Variants in NTPCR observed in about 807,000 individuals in gnomAD.
NTPCR encodes nucleoside-triphosphatase, cancer-related.
Under a neutral mutation model 19.5 loss-of-function variants are expected in NTPCR, and 15 were observed. That is an observed-to-expected ratio of 0.77 (90% CI 0.51 to 1.18). NTPCR has a LOEUF of 1.18. NTPCR is among the 50% of genes most tolerant of loss of function. The pLI is 0.00. For synonymous variants in NTPCR, 90 were observed against 95.8 expected, an observed-to-expected ratio of 0.94 and a Z score of 0.36; for missense variants, 206 against 240.4, an observed-to-expected ratio of 0.86 and a Z score of 0.95.
rs1157123032 is a variant in NTPCR at position 232,983,341 on chromosome 1, G to C, written c.*5110G>C. The C allele has an allele frequency of 6.6e-6, 1 of 152,206 alleles. No individual in the cohort carries two copies. Among genetic ancestry groups the C allele is most frequent in the Non-Finnish European group, 1.5e-5 (1 of 68,040 alleles). The allele number at this position is 152,206 out of a possible 1,614,324, so 9.4% of individuals were successfully genotyped here. On this transcript the variant is annotated 3_prime_UTR_variant, in exon 5 of 5. Transcript: ENST00000366628. Reference sequence around the variant, plus strand: ...TGGGGTCTTGAAGATGGGAAAAGTTGTCTCAGAATTTACCCAAATGTCGTT... The same window carrying C: ...TGGGGTCTTGAAGATGGGAAAAGTTCTCTCAGAATTTACCCAAATGTCGTT...
In NTPCR at chr1:232,980,384, C is replaced by A; in HGVS notation, c.*2153C>A. 1 of 152,318 alleles carries A rather than the reference C, an allele frequency of 6.6e-6. No homozygotes were observed. Among genetic ancestry groups the A allele is most frequent in the Non-Finnish European group, 1.5e-5 (1 of 68,038 alleles). The allele number at this position is 152,318 out of a possible 1,614,324, so 9.4% of individuals were successfully genotyped here. On this transcript the variant is annotated 3_prime_UTR_variant, in exon 5 of 5. Coordinates refer to ENST00000366628, the MANE Select transcript of NTPCR (RefSeq NM_032324.3). ...CAAAGGAGATTTGAACCCACGTCTGCGTGGCTCCAAAGTTCACTCTTTCAT... is the reference window on the plus strand; with the variant it reads ...CAAAGGAGATTTGAACCCACGTCTGAGTGGCTCCAAAGTTCACTCTTTCAT...
Position 232,976,828 on chromosome 1 carries a change from G to A in NTPCR, c.505-1335G>A, listed in dbSNP as rs1322153962. The stretch of plus-strand genomic sequence containing the variant: ...GGGATCAGCTTCTGGCACTTGCTGC[G>A]TGAGCTCACTCCTCTTGGGGTGCAG... On this transcript the variant is annotated intron_variant, in intron 4 of 4. Coordinates refer to ENST00000366628, the MANE Select transcript of NTPCR (RefSeq NM_032324.3). The A allele has an allele frequency of 7.0e-5, 19 of 271,914 alleles. No homozygotes were observed. The South Asian group carries it at 8.2e-4, about 12-fold the overall frequency. The allele number at this position is 271,914 out of a possible 1,614,324, so 16.8% of individuals were successfully genotyped here. A position where few individuals can be genotyped will look rare whatever the true frequency, so the allele number is the denominator to read the frequency against.
intron 3 of NTPCR, among the ~76,000 whole-genome samples, chr1:232,959,306 G>C (rs1251926523): frequency 6.6e-6 from 1 of 152,140 alleles, no homozygotes; most frequent in Non-Finnish European, 1.5e-5. Flanking sequence ...GAATATCCTT[G>C]CTTCCCTTCT....
chr1:232,950,891 G>C (rs1668346615), intron 1 of NTPCR, 147 bp downstream of exon 1: 1 of 597,016 alleles, frequency 1.7e-6, no homozygotes, highest in Non-Finnish European at 3.0e-6. Flanking sequence ...TTGGTAGTCT[G>C]AAGAGTTTGT....
At chr1:232,964,403 A>G (rs1344872604) in intron 3 of NTPCR, 2 of 152,166 alleles carry the variant, frequency 1.3e-5, no homozygotes, top group Admixed American at 6.5e-5. Flanking sequence ...TCTCCACTGT[A>G]TAGTTACTAT....
chr1:232,969,569 A>G (rs1668915765), intron 3 of NTPCR: 1 of 219,520 alleles, frequency 4.6e-6, no homozygotes, highest in South Asian at 8.4e-5. Flanking sequence ...GCTAAAGGGG[A>G]AAAAAAAGTA....
intron 3 of NTPCR, chr1:232,964,969 T>C (rs973842069): frequency 1.3e-5 from 2 of 152,238 alleles, no homozygotes; most frequent in African/African-American, 4.8e-5. Flanking sequence ...TTCCACCGTC[T>C]TCTCGGGGTG....
At chr1:232,962,748 C>T (rs192577141) in intron 3 of NTPCR, 25 of 152,226 alleles carry the variant, frequency 1.6e-4, no homozygotes, top group African/African-American at 5.8e-4. Flanking sequence ...ATAGTTTGAA[C>T]CTTGTATTTT....
chr1:232,963,126 G>A (rs1404422925), intron 3 of NTPCR: 1 of 152,188 alleles, frequency 6.6e-6, no homozygotes, highest in Non-Finnish European at 1.5e-5. Context: ...TGTATTACAA[G>A]TATGTAATGC....
intron 3 of NTPCR, chr1:232,967,423 C>T (rs1668852118): frequency 6.6e-6 from 1 of 152,140 alleles, no homozygotes; most frequent in South Asian, 2.1e-4. Context: ...TTCCCCAATT[C>T]TGGACAGATT....
chr1:232,967,962 T>C (rs1048684320), intron 3 of NTPCR: 1 of 152,236 alleles, frequency 6.6e-6, no homozygotes, highest in African/African-American at 2.4e-5. Context: ...ATAGCTGTTT[T>C]ATTTCTCCCA....
intron 3 of NTPCR, chr1:232,965,027 A>G (rs1222020652): frequency 6.6e-6 from 1 of 152,190 alleles, no homozygotes; most frequent in East Asian, 1.9e-4. Context: ...ATATCTGCCT[A>G]CTGCAGTGGG....
chr1:232,956,400 A>G lies in NTPCR; in HGVS notation c.251A>G (p.Asp84Gly), dbSNP rs1160653704. 1 of 1,613,872 alleles carries G rather than the reference A, an allele frequency of 6.2e-7. No homozygotes were observed. The highest frequency in any genetic ancestry group is 2.2e-5 in the East Asian group (1 of 44,896). ...RECRVGQYVVDLTSFEQLALP... is the reference protein window; with the variant it reads ...RECRVGQYVVGLTSFEQLALP... ...TGCCGAGTTGGGCAGTATGTGGTCG[A>G]CCTGACTTCTTTTGAGCAGTTGGCA... Residue 84 changes from aspartate (D) to glycine (G), a missense_variant, in exon 3 of 5, where the codon GAC (aspartate) becomes GGC (glycine). Transcript: ENST00000366628.
chr1:232,963,749 TAAGAATAGTGC>T (rs768587189), intron 3 of NTPCR: 6 of 152,110 alleles, frequency 3.9e-5, no homozygotes, highest in Non-Finnish European at 8.8e-5. Flanking sequence ...GTTATAAGTG[TAAGAATAGTGC>T]AAGAACACCT....
At chr1:232,952,804 G>C (rs1668408207) in intron 1 of NTPCR, among the ~76,000 whole-genome samples, 1 of 152,026 alleles carries the variant, frequency 6.6e-6, no homozygotes, top group Non-Finnish European at 1.5e-5. Flanking sequence ...TCCTCTCAAA[G>C]AGGTCACTTT....
chr1:232,954,330 A>G (rs1426561920), intron 1 of NTPCR, among the ~76,000 whole-genome samples: 1 of 152,246 alleles, frequency 6.6e-6, no homozygotes, highest in East Asian at 1.9e-4. Flanking sequence ...AAGTGTGAAG[A>G]TAGATACATT....
chr1:232,960,116 A>G (rs1160111245), intron 3 of NTPCR, among the ~76,000 whole-genome samples: 1 of 150,570 alleles, frequency 6.6e-6, no homozygotes, highest in Non-Finnish European at 1.5e-5. Flanking sequence ...CAGGAGGCTG[A>G]AGCAGGAGAA....
rs946688411 is a variant in NTPCR at position 232,978,948 on chromosome 1, C to T, written c.*717C>T. ...TACTCGGGAGCAATTTTGAATCTTT[C>T]TATGCCTAGTTTCCCTTCCAGAAAA... On this transcript the variant is annotated 3_prime_UTR_variant, in exon 5 of 5. Transcript: ENST00000366628. 6.6e-6 allele frequency: 1 copy of T among 152,156 alleles called. No individual in the cohort carries two copies. The highest frequency in any genetic ancestry group is 1.5e-5 in the Non-Finnish European group (1 of 68,040). 9.4% of individuals were successfully genotyped at this position (152,156 alleles called of 1,614,324 possible). A position where few individuals can be genotyped will look rare whatever the true frequency, so the allele number is the denominator to read the frequency against.
intron 4 of NTPCR, among the ~76,000 whole-genome samples, chr1:232,976,010 T>G (rs546878148): frequency 6.6e-6 from 1 of 152,362 alleles, no homozygotes; most frequent in South Asian, 2.1e-4. Flanking sequence ...GGGAATATCA[T>G]AAGTGAATAC....
Sources: gnomAD v4.1 joint callset for allele counts (sites outside exome capture counted in the v4.1 genomes callset) on GRCh38, gnomAD v4.1.1 for gene constraint, MANE v1.5 for transcripts, NCBI Gene and HGNC (gene_info 2026-07-23, HGNC 2026-07-21) for gene names.